Variants in SEPTIN8 observed in about 807,000 individuals in gnomAD.
SEPTIN8 encodes the protein septin 8, also known as septin-8.
A neutral mutation model predicts 53.1 loss-of-function variants in SEPTIN8; 22 were observed. The ratio of observed to expected loss-of-function variants is 0.41; its 90% confidence interval spans 0.30 to 0.59. The LOEUF is 0.59. SEPTIN8 is among the 20% of genes least tolerant of loss of function. SEPTIN8 has a pLI of 0.24. For synonymous variants in SEPTIN8, 228 were observed against 248.4 expected (o/e 0.92, Z 0.77); for missense variants, 536 against 638.7 (o/e 0.84, Z 1.73).
At chr5:132,769,724 T>C (rs940896634) in intron 1 of SEPTIN8, among the ~76,000 whole-genome samples, 1 of 151,774 alleles carries the variant, frequency 6.6e-6, no homozygotes, top group African/African-American at 2.4e-5. Flanking sequence ...AGGATCTGAA[T>C]GGAGACAACA....
rs1396188472 is a variant in SEPTIN8, at chr5:132,758,334, A to G, written c.1286+2468T>C. On this transcript the variant is annotated intron_variant, in intron 9 of 9. Transcript: ENST00000378719. ...AAATATTTAGAAGTGTTTTAAAGTTATTAAAATTAAGCTGTAGGTTAGAAA... is the reference window on the plus strand; with the variant it reads ...AAATATTTAGAAGTGTTTTAAAGTTGTTAAAATTAAGCTGTAGGTTAGAAA... The G allele has an allele frequency of 1.1e-5, 16 of 1,392,226 alleles. No individual in the cohort carries two copies. The East Asian group carries it at 3.6e-4, about 31-fold the overall frequency. 86.2% of individuals were successfully genotyped at this position (1,392,226 alleles called of 1,614,324 possible).
intron 1 of SEPTIN8, among the ~76,000 whole-genome samples, chr5:132,770,089 G>GTATATA (rs201065841): frequency 6.9e-5 from 2 of 29,174 alleles, no homozygotes; most frequent in East Asian, 1.8e-3. Flanking sequence ...ATGTATATAT[G>GTATATA]TATATATATA....
chr5:132,765,332 A>C (rs749249435), intron 2 of SEPTIN8, 77 bp downstream of exon 2: 119 of 1,551,708 alleles, frequency 7.7e-5, no homozygotes, highest in Non-Finnish European at 1.0e-4. Context: ...CTTGCAGCTC[A>C]ACAGGGGGCC....
At chr5:132,770,816 GTA>G (rs1359278081) in intron 1 of SEPTIN8, among the ~76,000 whole-genome samples, 4 of 152,206 alleles carry the variant, frequency 2.6e-5, no homozygotes, top group African/African-American at 7.2e-5. Flanking sequence ...GGTGAGCGTT[GTA>G]TATGTCTTCA....
In SEPTIN8 at chr5:132,764,351, C is replaced by A; in HGVS notation, c.220G>T (p.Ala74Ser). Residue 74 changes from alanine (A) to serine (S), a missense_variant, in exon 3 of 10, where the codon GCC (alanine) becomes TCC (serine). This residue lies in a region of SEPTIN8 where 395 missense variants were observed against 451.8 expected (regional missense o/e 0.87). Transcript: ENST00000378719. ...LFNTTFETEE[A>S]SHHEACVRLR... Reference sequence around the variant, plus strand: ...CGCACGCATGCCTCATGGTGACTGGCTTCCTCAGTCTCGAAGGTCGTGTTG... The same window carrying A: ...CGCACGCATGCCTCATGGTGACTGGATTCCTCAGTCTCGAAGGTCGTGTTG... 6.2e-7 allele frequency: 1 copy of A among 1,614,238 alleles called. No homozygotes were observed. Among genetic ancestry groups the A allele is most frequent in the Non-Finnish European group, 8.5e-7 (1 of 1,180,036 alleles).
At chr5:132,757,521 A>T (rs1464640755) in intron 9 of SEPTIN8, 31 of 985,398 alleles carry the variant, frequency 3.1e-5, no homozygotes, top group Non-Finnish European at 3.7e-5. Flanking sequence ...TTCCACAATA[A>T]ATTAGCACGT....
intron 1 of SEPTIN8, among the ~76,000 whole-genome samples, chr5:132,775,474 T>C (rs541381773): frequency 1.6e-4 from 24 of 152,298 alleles, no homozygotes; most frequent in Admixed American, 5.9e-4. Context: ...ACAATACCCC[T>C]ATGAGGGAAG....
chr5:132,764,275 A>C lies in SEPTIN8; in HGVS notation c.296T>G (p.Leu99Arg). ...DLQESNVQLK[L>R]TIVDAVGFGD... ...AAAGCCCACGGCATCCACAATGGTC[A>C]GCTTGAGCTGCACGTTGCTCTCCTG... is the stretch of plus-strand genomic sequence containing the variant. The change falls in exon 3 of 10, where the codon CTG becomes CGG. Residue 99 changes from leucine to arginine, a missense_variant. Physicochemically the swap from Leu to Arg is moderately radical, Grantham distance 102. Transcript: ENST00000378719. The C allele has an allele frequency of 6.2e-7, 1 of 1,614,138 alleles. No homozygotes were observed. The highest frequency in any genetic ancestry group is 8.5e-7 in the Non-Finnish European group (1 of 1,180,008).
At chr5:132,763,579 T>A in intron 4 of SEPTIN8, 127 bp downstream of exon 4, 1 of 816,358 alleles carries the variant, frequency 1.2e-6, no homozygotes, top group South Asian at 1.7e-5. Flanking sequence ...ACCGAGCCAA[T>A]GGGGGGCCAC....
chr5:132,771,041 A>G lies in SEPTIN8; in HGVS notation c.31-5512T>C, dbSNP rs565516284. Reference sequence around the variant, plus strand: ...TGCGTGCCTCCATGCCCGGCCGTCCAAGACAAAGTAGAGAACAGCATTTTG... The same window carrying G: ...TGCGTGCCTCCATGCCCGGCCGTCCGAGACAAAGTAGAGAACAGCATTTTG... On this transcript the variant is annotated intron_variant, in intron 1 of 9. Transcript: ENST00000378719. Among the ~76,000 whole-genome samples the G allele has an allele frequency of 9.8e-5, 15 of 152,294 alleles. No homozygotes were observed. In the South Asian group the frequency reaches 2.1e-3, roughly 21 times the overall value.
At chr5:132,766,211 G>A (rs187681) in intron 1 of SEPTIN8, among the ~76,000 whole-genome samples, 46,689 of 152,072 alleles carry the variant, frequency 0.31, 11,241 homozygotes, top group East Asian at 0.73. Flanking sequence ...CTGAGACTCT[G>A]AGGCCTCCTC....
intron 1 of SEPTIN8, among the ~76,000 whole-genome samples, chr5:132,771,032 C>T (rs185866721): frequency 6.6e-6 from 1 of 152,298 alleles, no homozygotes; most frequent in African/African-American, 2.4e-5. Flanking sequence ...CCTCCATGCC[C>T]GGCCGTCCAA....
chr5:132,777,579 C>G (rs994512069), upstream of SEPTIN8: 1 of 979,256 alleles, frequency 1.0e-6, no homozygotes, highest in Non-Finnish European at 1.2e-6. This position sits in a 1 kb window ranked among gnomAD's most constrained non-coding sequence, Gnocchi z 4.1. Flanking sequence ...AAGCCTTTCC[C>G]GTAAGGGGGA....
chr5:132,778,344 T>G (rs1679265347), upstream of SEPTIN8: 1 of 125,276 alleles, frequency 8.0e-6, no homozygotes, highest in African/African-American at 5.1e-5. Flanking sequence ...TTGTGCTGAC[T>G]GGAGGTGCCT....
intron 4 of SEPTIN8, among the ~76,000 whole-genome samples, chr5:132,762,932 C>A (rs1338380618): frequency 6.6e-6 from 1 of 152,174 alleles, no homozygotes; most frequent in Non-Finnish European, 1.5e-5. Context: ...CAGCTTTGAC[C>A]CAGAATCCTT....
intron 9 of SEPTIN8, chr5:132,757,404 G>A (rs1755443576): frequency 2.0e-6 from 2 of 985,430 alleles, no homozygotes; most frequent in Non-Finnish European, 2.4e-6. Flanking sequence ...TCTCAGGAAG[G>A]CAGGAGGAAG....
Position 132,761,233 on chromosome 5 carries a change from TC to T in SEPTIN8, c.994del (p.Glu332SerfsTer3). 6.2e-7 allele frequency: 1 copy of T among 1,614,124 alleles called. No homozygotes were observed. Among genetic ancestry groups the T allele is most frequent in the Non-Finnish European group, 8.5e-7 (1 of 1,180,034 alleles). ...LQETYEAKRK[E>X]FLSELQRKEE... ...CTTCCTCTGCAGCTCACTTAGGAAC[TC>T]CTTCCTCTTGGCCTCGTATGTCTCT... is the stretch of plus-strand genomic sequence containing the variant. On this transcript the variant is annotated frameshift_variant, in exon 8 of 10. Coordinates refer to ENST00000378719, the MANE Select transcript of SEPTIN8 (RefSeq NM_001098811.2). LOFTEE classifies it high-confidence loss of function. This position sits in a 1 kb window ranked among gnomAD's most constrained non-coding sequence, Gnocchi z 5.8.
In SEPTIN8 at chr5:132,761,278, A is replaced by T. The variant is rs1361628991; in HGVS notation, c.963-13T>A. On this transcript the variant is annotated splice_polypyrimidine_tract_variant and intron_variant, in intron 7 of 9. Coordinates refer to ENST00000378719, the MANE Select transcript of SEPTIN8 (RefSeq NM_001098811.2). The surrounding 1 kb of genome is among the most constrained non-coding windows in gnomAD (Gnocchi z 5.8). Reference sequence around the variant, plus strand: ...TGTCTCTTGTAGGCTGTGGAGACCCAGAGAAAAGAGGCCAAGGATGGGATT... The same window carrying T: ...TGTCTCTTGTAGGCTGTGGAGACCCTGAGAAAAGAGGCCAAGGATGGGATT... 1 of 1,612,592 alleles carries T rather than the reference A, an allele frequency of 6.2e-7. No homozygotes were observed. Among genetic ancestry groups the T allele is most frequent in the African/African-American group, 1.3e-5 (1 of 74,918 alleles).
chr5:132,764,907 C>T lies in SEPTIN8; in HGVS notation c.152-488G>A, dbSNP rs1168571735. Among the ~76,000 whole-genome samples, 7 of 151,972 alleles carry T rather than the reference C, an allele frequency of 4.6e-5. No individual in the cohort carries two copies. In the East Asian group the frequency reaches 5.8e-4, roughly 13 times the overall value. On this transcript the variant is annotated intron_variant, in intron 2 of 9. Coordinates refer to ENST00000378719, the MANE Select transcript of SEPTIN8 (RefSeq NM_001098811.2). ...GGGGAACTCAGGATGGGCTGCTTCC[C>T]GAAGGACACCTGCAGAGGGACCAGA...
Sources: allele counts gnomAD v4.1 joint callset (sites outside exome capture counted in the v4.1 genomes callset), GRCh38; gene constraint gnomAD v4.1.1; regional missense constraint gnomAD v4.1.1; non-coding constraint Gnocchi (gnomAD v3.1); transcripts MANE v1.5; gene names NCBI Gene and HGNC (gene_info 2026-07-23, HGNC 2026-07-21).